MAP3K19: variants seen among roughly 807,000 people sequenced by gnomAD.
The protein encoded by MAP3K19 is mitogen-activated protein kinase kinase kinase 19, also known as SPS1/STE20-related protein kinase YSK4.
In MAP3K19, 91 loss-of-function variants were observed where a neutral mutation model predicts 114.4. The observed-to-expected ratio is 0.80, with a 90% CI of 0.67 to 0.95. The LOEUF is 0.95. Among genes scored for constraint, MAP3K19 ranks in the 40% least tolerant of loss-of-function variants. The pLI is 0.00. For missense variants in MAP3K19, 1,471 were observed against 1,573.2 expected (o/e 0.94, Z 1.10); for synonymous variants, 518 against 530.5 (o/e 0.98, Z 0.32).
chr2:135,015,793 G>A (rs541282850), intron 5 of MAP3K19, among the ~76,000 whole-genome samples: 5 of 151,972 alleles, frequency 3.3e-5, no homozygotes, highest in South Asian at 2.1e-4. Flanking sequence ...CTCGGGAGGC[G>A]GAGGCAGGAG....
At chr2:135,035,095 C>G (rs886795639) in intron 2 of MAP3K19, among the ~76,000 whole-genome samples, 1 of 151,440 alleles carries the variant, frequency 6.6e-6, no homozygotes, top group Admixed American at 6.6e-5. Flanking sequence ...ATGAAAATCC[C>G]AAATAAGAAA....
intron 5 of MAP3K19, among the ~76,000 whole-genome samples, chr2:135,006,608 G>A (rs558336211): frequency 8.6e-5 from 13 of 151,534 alleles, no homozygotes; most frequent in Admixed American, 4.6e-4. Context: ...TCAGGAGTTC[G>A]AGACCAGCCT....
intron 5 of MAP3K19, among the ~76,000 whole-genome samples, chr2:135,015,380 T>G (rs1183367607): frequency 1.3e-5 from 2 of 152,232 alleles, no homozygotes; most frequent in Non-Finnish European, 2.9e-5. Flanking sequence ...TTGCCCACTT[T>G]CTATTAGCCT....
chr2:135,006,443 C>T (rs1686817035), intron 5 of MAP3K19, among the ~76,000 whole-genome samples: 1 of 152,186 alleles, frequency 6.6e-6, no homozygotes, highest in African/African-American at 2.4e-5. Context: ...TCTGATAGCT[C>T]ATTTATTAAT....
At chr2:135,019,666 AT>A (rs1687835703) in intron 5 of MAP3K19, among the ~76,000 whole-genome samples, 1 of 151,746 alleles carries the variant, frequency 6.6e-6, no homozygotes, top group Non-Finnish European at 1.5e-5. Flanking sequence ...TAAATAAAAA[AT>A]TTTTTGGACT....
intron 1 of MAP3K19, among the ~76,000 whole-genome samples, chr2:135,044,525 G>T (rs1361617401): frequency 6.6e-6 from 1 of 152,236 alleles, no homozygotes; most frequent in Non-Finnish European, 1.5e-5. Context: ...GGGAGGCAGA[G>T]GTTGCAGTGA....
intron 12 of MAP3K19, among the ~76,000 whole-genome samples, chr2:134,968,461 C>T (rs1187564473): frequency 2.0e-5 from 3 of 148,104 alleles, no homozygotes; most frequent in South Asian, 2.2e-4. Context: ...CCTCACCTCC[C>T]GGATGGGGTG....
Position 135,005,446 on chromosome 2 carries a change from G to A in MAP3K19, c.224C>T (p.Pro75Leu), listed in dbSNP as rs761627568. The part of the protein sequence containing the change: ...DPSGGRQDWQ[P>L]RTEGVEITVT... The stretch of plus-strand genomic sequence containing the variant: ...GTAAAGCCCAGTACCTTCTGTCCTG[G>A]GTTGCCAGTCCTGTCTACCACCACT... Residue 75 changes from proline to leucine, a missense_variant, in exon 6 of 13, where the codon CCC becomes CTC. Transcript: ENST00000392915. 8 of 1,612,386 alleles carry A rather than the reference G, an allele frequency of 5.0e-6. No homozygotes were observed. The African/African-American group carries it at 9.4e-5, about 19-fold the overall frequency.
chr2:134,983,973 T>C, intron 10 of MAP3K19, 148 bp from the exon 11 acceptor site: 1 of 556,366 alleles, frequency 1.8e-6, no homozygotes, highest in Non-Finnish European at 3.1e-6. Context: ...TTCCCCCAAA[T>C]GACCACATAG....
chr2:135,032,496 A>G (rs1688407033), intron 2 of MAP3K19, among the ~76,000 whole-genome samples: 1 of 151,986 alleles, frequency 6.6e-6, no homozygotes, highest in South Asian at 2.1e-4. Context: ...ACTCACACCA[A>G]AATGTTTACA....
chr2:134,981,880 C>CTTTTTTTTTTTTTTTTT (rs567597251), intron 11 of MAP3K19, among the ~76,000 whole-genome samples: 11 of 124,506 alleles, frequency 8.8e-5, no homozygotes, highest in Admixed American at 1.8e-4. Context: ...GATTTCTTTT[C>CTTTTTTTTTTTTTTTTT]TTTTTTTTTT....
At chr2:134,982,950 T>C (rs1684808268) in intron 11 of MAP3K19, among the ~76,000 whole-genome samples, 1 of 152,342 alleles carries the variant, frequency 6.6e-6, no homozygotes, top group South Asian at 2.1e-4. Flanking sequence ...TTGTACATAT[T>C]TAAGAGGCAC....
Position 134,986,264 on chromosome 2 carries a change from G to A in MAP3K19, c.2608C>T (p.Gln870Ter). The A allele has an allele frequency of 6.2e-7, 1 of 1,614,000 alleles. No individual in the cohort carries two copies. The highest frequency in any genetic ancestry group is 8.5e-7 in the Non-Finnish European group (1 of 1,179,986). ...SEKNSNKYVQQEKQNTASLSK... is the reference protein window; with the variant it reads ...SEKNSNKYVQ ...AGAGATGCTGTATTCTGCTTTTCTT[G>A]CTGTACATACTTGTTAGAATTCTTC... The change falls in exon 10 of 13, where the codon CAA (glutamine) becomes TAA (stop). Residue 870 changes from glutamine (Q) to a stop codon, truncating the protein, a stop_gained. Coordinates refer to ENST00000392915, the MANE Select transcript of MAP3K19 (RefSeq NM_025052.5). LOFTEE classifies it high-confidence loss of function.
At position 134,987,904 on chromosome 2, in the gene MAP3K19, T is replaced by A; in HGVS notation, c.968A>T (p.His323Leu). 6.2e-7 allele frequency: 1 copy of A among 1,614,142 alleles called. No homozygotes were observed. The highest frequency in any genetic ancestry group is 8.5e-7 in the Non-Finnish European group (1 of 1,180,048). ...CACCAAAGACTGCCCTTTTTCAAAG[T>A]GAGTGATTTCAATTTTGTTACATTC... is the stretch of plus-strand genomic sequence containing the variant. ...IEECNKIEIT[H>L]FEKGQSLVSF... The change falls in exon 10 of 13, where the codon CAC (histidine) becomes CTC (leucine). Residue 323 changes from histidine to leucine, a missense_variant. Physicochemically the swap from His to Leu is moderately conservative, Grantham distance 99. Transcript: ENST00000392915.
At chr2:134,977,194 T>G (rs1387288114) in intron 12 of MAP3K19, among the ~76,000 whole-genome samples, 1 of 151,410 alleles carries the variant, frequency 6.6e-6, no homozygotes, top group Admixed American at 6.6e-5. Context: ...ACTTTTTTTT[T>G]TTTTTGAGAC....
chr2:135,032,301 G>A (rs192599819), intron 2 of MAP3K19, among the ~76,000 whole-genome samples: 182 of 149,930 alleles, frequency 1.2e-3, no homozygotes, highest in African/African-American at 4.4e-3. Flanking sequence ...AGGTTGCAAT[G>A]AGCTGAGATT....
intron 2 of MAP3K19, among the ~76,000 whole-genome samples, chr2:135,036,331 C>T (rs1440562675): frequency 6.6e-6 from 1 of 152,086 alleles, no homozygotes; most frequent in Non-Finnish European, 1.5e-5. Flanking sequence ...CTTCTTGTTT[C>T]CTTATTTGTT....
chr2:134,984,843 T>C (rs1684980926), intron 10 of MAP3K19, among the ~76,000 whole-genome samples: 1 of 152,090 alleles, frequency 6.6e-6, no homozygotes. Context: ...TCCCAGCTAC[T>C]TGGGAGGCTG....
chr2:135,003,406 A>C (rs1686589506), intron 6 of MAP3K19, among the ~76,000 whole-genome samples: 1 of 152,162 alleles, frequency 6.6e-6, no homozygotes, highest in Admixed American at 6.6e-5. Context: ...ATCCTGATGA[A>C]TTTATACTGA....
Sources: allele counts gnomAD v4.1 joint callset (sites outside exome capture counted in the v4.1 genomes callset), GRCh38; gene constraint gnomAD v4.1.1; transcripts MANE v1.5; gene names NCBI Gene and HGNC (gene_info 2026-07-23, HGNC 2026-07-21).